Variants in ABCA8 observed in about 807,000 individuals in gnomAD.
ABCA8 encodes ABC-type organic anion transporter ABCA8.
Under a neutral mutation model 192.3 loss-of-function variants are expected in ABCA8, and 177 were observed. The ratio of observed to expected loss-of-function variants is 0.92; its 90% CI spans 0.81 to 1.04. The LOEUF is 1.04. Ranked by LOEUF, ABCA8 falls within the 50% of genes least tolerant of loss-of-function variation. ABCA8 has a pLI of 0.00. For missense variants in ABCA8, 1,915 were observed against 1,904.8 expected, an observed-to-expected ratio of 1.01 and a Z score of -0.10; for synonymous variants, 642 against 690.2, an observed-to-expected ratio of 0.93 and a Z score of 1.09.
chr17:68,933,347 T>A, intron 5 of ABCA8, 76 bp from the exon 6 acceptor site: 1 of 927,296 alleles, frequency 1.1e-6, no homozygotes, highest in Non-Finnish European at 1.7e-6. Flanking sequence ...ATACTGATTA[T>A]AGCAAACAGT....
intron 13 of ABCA8, chr17:68,919,925 A>G (rs1267183150): frequency 6.5e-6 from 1 of 153,276 alleles, no homozygotes; most frequent in East Asian, 1.9e-4. Context: ...AGCCCCTGTC[A>G]CTTTGGTCCA....
At chr17:68,912,047 C>T (rs1170635340) in intron 17 of ABCA8, among the ~76,000 whole-genome samples, 1 of 152,018 alleles carries the variant, frequency 6.6e-6, no homozygotes, top group African/African-American at 2.4e-5. Flanking sequence ...TCCTCAATGC[C>T]CAGACACTGA....
At position 68,877,629 on chromosome 17, in the gene ABCA8, G is replaced by A. The variant is rs368004086; in HGVS notation, c.4089C>T (p.Tyr1363=). The change falls in exon 33 of 40, where the codon TAC becomes TAT. Residue 1363 remains tyrosine (Y), a synonymous_variant. Transcript: ENST00000586539. ...GGGDALEFLG[Y]CPQENALWPN... ...GCCACAGCGCGTTCTCCTGAGGGCA[G>A]TACCCCAGGAACTCCAGGGCATCCC... 3 of 1,613,800 alleles carry A rather than the reference G, an allele frequency of 1.9e-6. No individual in the cohort carries two copies. Among genetic ancestry groups the A allele is most frequent in the East Asian group, 2.2e-5 (1 of 44,880 alleles).
At chr17:68,880,971 T>G in intron 32 of ABCA8, 149 bp downstream of exon 32, 1 of 663,498 alleles carries the variant, frequency 1.5e-6, no homozygotes, top group South Asian at 1.8e-5. Context: ...TGTGCATTTA[T>G]GTGATAATTC....
chr17:68,924,946 C>A (rs1290148951), intron 10 of ABCA8, 77 bp from the exon 11 acceptor site: 2 of 1,452,688 alleles, frequency 1.4e-6, no homozygotes, highest in East Asian at 2.3e-5. Flanking sequence ...TGTAGCACGG[C>A]AACACAGCCC....
intron 24 of ABCA8, among the ~76,000 whole-genome samples, chr17:68,890,761 C>T (rs540172533): frequency 9.8e-5 from 15 of 152,308 alleles, no homozygotes; most frequent in South Asian, 6.2e-4. Flanking sequence ...TCAGGTGATC[C>T]GCCCACCTCG....
intron 2 of ABCA8, among the ~76,000 whole-genome samples, chr17:68,944,355 TATATAC>T (rs1399659982): frequency 2.2e-5 from 2 of 88,996 alleles, no homozygotes; most frequent in African/African-American, 9.0e-5. Context: ...TATATATATA[TATATAC>T]ACATATACAT....
intron 21 of ABCA8, among the ~76,000 whole-genome samples, chr17:68,900,373 A>G (rs1214788771): frequency 2.6e-4 from 40 of 152,036 alleles, no homozygotes; most frequent in Admixed American, 2.6e-3. Context: ...GACAGAAACT[A>G]TTAAACTGAT....
chr17:68,926,198 A>G (rs981013160), intron 10 of ABCA8, among the ~76,000 whole-genome samples: 44 of 152,230 alleles, frequency 2.9e-4, no homozygotes, highest in Non-Finnish European at 3.1e-4. Flanking sequence ...ACACCAAAAT[A>G]AAATTTAAAT....
At chr17:68,930,868 T>A (rs2143694253) in intron 7 of ABCA8, among the ~76,000 whole-genome samples, 1 of 152,276 alleles carries the variant, frequency 6.6e-6, no homozygotes, top group Non-Finnish European at 1.5e-5. Flanking sequence ...CCCATCTGCC[T>A]CCCTAGCCTC....
rs1356675186 is a variant in ABCA8 at position 68,919,439 on chromosome 17, C to A, written c.1650G>T (p.Met550Ile). The change falls in exon 14 of 40, where the codon ATG (methionine) becomes ATT (isoleucine). Residue 550 changes from methionine to isoleucine, a missense_variant. Physicochemically the swap from Met to Ile is conservative, Grantham distance 10. Transcript: ENST00000586539. ...VTIYNNKLSE[M>I]ADLENLSKLT... The stretch of plus-strand genomic sequence containing the variant: ...GCTTGCTGAGATTTTCTAGGTCAGC[C>A]ATTTCTGAAAGCTTATTGTTATAGA... 6.2e-7 allele frequency: 1 copy of A among 1,613,872 alleles called. No individual in the cohort carries two copies. Among genetic ancestry groups the A allele is most frequent in the South Asian group, 1.1e-5 (1 of 91,046 alleles).
intron 24 of ABCA8, among the ~76,000 whole-genome samples, chr17:68,891,048 T>C (rs2066611617): frequency 6.6e-6 from 1 of 152,238 alleles, no homozygotes; most frequent in African/African-American, 2.4e-5. Flanking sequence ...TGTTGAAAAG[T>C]CTAATCTTAC....
chr17:68,867,946 C>T lies in ABCA8; in HGVS notation c.*139G>A. Reference sequence around the variant, plus strand: ...CACTGACATGGCACTTACCCAGCACCCGAACCTCCTCCTCCCACCACACGG... The same window carrying T: ...CACTGACATGGCACTTACCCAGCACTCGAACCTCCTCCTCCCACCACACGG... On this transcript the variant is annotated 3_prime_UTR_variant, in exon 40 of 40. Transcript: ENST00000586539. 1.4e-6 allele frequency: 1 copy of T among 699,896 alleles called. No individual in the cohort carries two copies. Among genetic ancestry groups the T allele is most frequent in the South Asian group, 2.1e-5 (1 of 48,382 alleles). 43.4% of individuals were successfully genotyped at this position (699,896 alleles called of 1,614,324 possible).
At position 68,932,496 on chromosome 17, in the gene ABCA8, CTGAG is replaced by C; in HGVS notation, c.585_588del (p.His195GlnfsTer2). 11 of 1,613,150 alleles carry C rather than the reference CTGAG, an allele frequency of 6.8e-6. No individual in the cohort carries two copies. The highest frequency in any genetic ancestry group is 8.5e-6 in the Non-Finnish European group (10 of 1,179,158). On this transcript the variant is annotated frameshift_variant, in exon 7 of 40. Coordinates refer to ENST00000586539, the MANE Select transcript of ABCA8 (RefSeq NM_001288985.2). LOFTEE classifies it high-confidence loss of function. ...GTAACTGACATCAGCTCCTCCATCA[CTGAG>C]TGATTTGTTGTGATCTGAAGAAAGG...
intron 19 of ABCA8, among the ~76,000 whole-genome samples, chr17:68,904,288 A>AG (rs1197738920): frequency 8.5e-6 from 1 of 117,852 alleles, no homozygotes; most frequent in Non-Finnish European, 1.7e-5. Context: ...TCTCAAAAAA[A>AG]AGAAATAATA....
chr17:68,903,217 GT>G (rs1171400640), intron 20 of ABCA8, 83 bp downstream of exon 20: 4 of 1,424,810 alleles, frequency 2.8e-6, no homozygotes, highest in East Asian at 2.3e-5. Context: ...ATATCTTTGT[GT>G]TTTTTTGCTT....
At chr17:68,898,022 T>C (rs999410958) in intron 21 of ABCA8, among the ~76,000 whole-genome samples, 6 of 152,292 alleles carry the variant, frequency 3.9e-5, no homozygotes, top group Middle Eastern at 6.8e-3. Context: ...GTGGGATGTA[T>C]GCAAAGAGAT....
chr17:68,900,023 T>G (rs548479867), intron 21 of ABCA8, among the ~76,000 whole-genome samples: 16 of 151,820 alleles, frequency 1.1e-4, no homozygotes, highest in Non-Finnish European at 2.4e-4. Context: ...AACCAGTGAG[T>G]GAAACTTCTG....
chr17:68,885,108 C>T, intron 27 of ABCA8, 88 bp downstream of exon 27: 1 of 1,379,720 alleles, frequency 7.2e-7, no homozygotes, highest in East Asian at 2.5e-5. Flanking sequence ...GCACTTTAAA[C>T]ATGTTGTAGT....
Sources: allele counts gnomAD v4.1 joint callset (sites outside exome capture counted in the v4.1 genomes callset), GRCh38; gene constraint gnomAD v4.1.1; transcripts MANE v1.5; gene names NCBI Gene and HGNC (gene_info 2026-07-23, HGNC 2026-07-21).